PIK3C2B: variants seen among roughly 807,000 people sequenced by gnomAD.
The protein encoded by PIK3C2B is phosphatidylinositol-4-phosphate 3-kinase catalytic subunit type 2 beta, also known as phosphatidylinositol 4-phosphate 3-kinase C2 domain-containing subunit beta.
Under a neutral mutation model 184.3 loss-of-function variants are expected in PIK3C2B, and 83 were observed. The observed-to-expected ratio is 0.45, with a 90% CI of 0.38 to 0.54. The LOEUF is 0.54. Ranked by LOEUF, PIK3C2B falls within the 20% of genes least tolerant of loss-of-function variation. The pLI is 0.00. For missense variants in PIK3C2B, 1,736 were observed against 2,113.5 expected, an observed-to-expected ratio of 0.82 and a Z score of 3.50; for synonymous variants, 779 against 837.6, an observed-to-expected ratio of 0.93 and a Z score of 1.21.
intron 5 of PIK3C2B, among the ~76,000 whole-genome samples, chr1:204,461,476 G>A (rs930447066): frequency 6.6e-6 from 1 of 152,162 alleles, no homozygotes; most frequent in African/African-American, 2.4e-5. Flanking sequence ...TCAGCAGCTG[G>A]GTAACAGAAG....
Position 204,427,045 on chromosome 1 carries a change from G to A in PIK3C2B, c.4587+603C>T, listed in dbSNP as rs538246348. 7.9e-5 allele frequency among the ~76,000 whole-genome samples: 12 copies of A among 152,002 alleles called. No homozygotes were observed. The South Asian group carries it at 2.3e-3, about 29-fold the overall frequency. Reference sequence around the variant, plus strand: ...GTCCCAGCTACTCAGGCTGAGGCAGGAAAATCGCTTGAACCCAGGAGGCGG... The same window carrying A: ...GTCCCAGCTACTCAGGCTGAGGCAGAAAAATCGCTTGAACCCAGGAGGCGG... On this transcript the variant is annotated intron_variant, in intron 31 of 32. Coordinates refer to ENST00000684373, the MANE Select transcript of PIK3C2B (RefSeq NM_001377334.1).
intron 1 of PIK3C2B, among the ~76,000 whole-genome samples, chr1:204,484,548 C>T (rs1657437246): frequency 6.6e-6 from 1 of 152,110 alleles, no homozygotes. Context: ...TCCTGGCCAA[C>T]ATAGTGAAAG....
chr1:204,442,466 A>G (rs1675716810), intron 20 of PIK3C2B, 60 bp downstream of exon 20: 1 of 1,099,020 alleles, frequency 9.1e-7, no homozygotes, highest in African/African-American at 1.6e-5. Flanking sequence ...CTGGTTAGTG[A>G]AGACCTCACC....
intron 1 of PIK3C2B, among the ~76,000 whole-genome samples, chr1:204,488,902 T>C (rs1657816030): frequency 6.6e-6 from 1 of 152,132 alleles, no homozygotes; most frequent in Non-Finnish European, 1.5e-5. Context: ...AATGAATGAG[T>C]TCCTTTTTAA....
chr1:204,484,243 A>G (rs932485899), intron 1 of PIK3C2B, among the ~76,000 whole-genome samples: 5 of 152,170 alleles, frequency 3.3e-5, no homozygotes, highest in African/African-American at 1.2e-4. Context: ...CCTCACAACA[A>G]TCCTTAAATG....
At position 204,447,457 on chromosome 1, in the gene PIK3C2B, A is replaced by G. The variant is rs1249684511; in HGVS notation, c.2468T>C (p.Met823Thr). The G allele has an allele frequency of 1.2e-6, 2 of 1,613,710 alleles. No homozygotes were observed. Among genetic ancestry groups the G allele is most frequent in the African/African-American group, 1.3e-5 (1 of 74,854 alleles). Residue 823 changes from methionine (M) to threonine (T), a missense_variant, in exon 15 of 33, where the codon ATG (methionine) becomes ACG (threonine). Met to Thr is a moderately conservative substitution (Grantham distance 81). Around this residue, in one of 8 missense-constraint regions of PIK3C2B, gnomAD observed 609 missense variants for 699.2 expected, o/e 0.87. Coordinates refer to ENST00000684373, the MANE Select transcript of PIK3C2B (RefSeq NM_001377334.1). This position sits in a 1 kb window ranked among gnomAD's most constrained non-coding sequence, Gnocchi z 4.1. ...EEDQRKLKDI[M>T]QKESLYWLTD... ...TCACCAGTACAAGGACTCTTTCTGC[A>G]TGATGTCTTTAAGCTTGCGCTGGTC...
chr1:204,449,157 G>T, intron 14 of PIK3C2B, 28 bp downstream of exon 14: 2 of 1,464,838 alleles, frequency 1.4e-6, no homozygotes, highest in African/African-American at 1.4e-5. Flanking sequence ...TCTTGCTGGT[G>T]ACTGGGAGGG....
intron 2 of PIK3C2B, among the ~76,000 whole-genome samples, chr1:204,467,935 G>C (rs1234948746): frequency 6.6e-6 from 1 of 151,982 alleles, no homozygotes; most frequent in Non-Finnish European, 1.5e-5. Context: ...ACACAAATAG[G>C]CCTTCTGGTC....
intron 23 of PIK3C2B, among the ~76,000 whole-genome samples, chr1:204,436,122 C>G (rs538930820): frequency 6.6e-6 from 1 of 152,228 alleles, no homozygotes. Flanking sequence ...TATAAAGGGA[C>G]ACTCTGCCTC....
chr1:204,481,068 T>G (rs1181231966), intron 1 of PIK3C2B, among the ~76,000 whole-genome samples: 1 of 151,184 alleles, frequency 6.6e-6, no homozygotes, highest in Non-Finnish European at 1.5e-5. Flanking sequence ...CACATACTTT[T>G]CCCCCTGCAC....
At chr1:204,479,077 T>C (rs1315242201) in intron 1 of PIK3C2B, among the ~76,000 whole-genome samples, 2 of 152,214 alleles carry the variant, frequency 1.3e-5, no homozygotes, top group African/African-American at 4.8e-5. Context: ...AAAACTTTCC[T>C]TCCTCTAGAG....
In PIK3C2B at chr1:204,473,842, T is replaced by C. The variant is rs919335490; in HGVS notation, c.-84-3956A>G. On this transcript the variant is annotated intron_variant, in intron 1 of 32. Transcript: ENST00000684373. ...GCTCTTGCCCCATCCACTTCATCTC[T>C]AGGATAATGCTCCATGGATTTCCCT... 2.0e-5 allele frequency among the ~76,000 whole-genome samples: 3 copies of C among 152,316 alleles called. 1 individual carries two copies. Among genetic ancestry groups the C allele is most frequent in the Non-Finnish European group, 4.4e-5 (3 of 68,012 alleles).
intron 1 of PIK3C2B, among the ~76,000 whole-genome samples, chr1:204,484,713 G>A (rs1483213376): frequency 1.3e-5 from 2 of 151,506 alleles, no homozygotes; most frequent in Admixed American, 6.6e-5. Flanking sequence ...CAGCCTGGGC[G>A]ACAAAGCGAG....
intron 1 of PIK3C2B, among the ~76,000 whole-genome samples, chr1:204,482,109 CGGGG>C (rs55875447): frequency 0.021 from 2,710 of 131,028 alleles, 45 homozygotes; most frequent in African/African-American, 0.047. Context: ...CATGAAAAGA[CGGGG>C]GGGGGGGGGG....
intron 1 of PIK3C2B, among the ~76,000 whole-genome samples, chr1:204,482,401 G>A (rs1440865797): frequency 6.6e-6 from 1 of 152,224 alleles, no homozygotes; most frequent in African/African-American, 2.4e-5. Context: ...TCCTGCTCCA[G>A]GGTCAGTCAA....
At chr1:204,457,656 G>C (rs1451892072) in intron 9 of PIK3C2B, 72 bp downstream of exon 9, 2 of 1,446,498 alleles carry the variant, frequency 1.4e-6, no homozygotes, top group Non-Finnish European at 1.9e-6. Flanking sequence ...ACACACTCTA[G>C]CAACAGGCAA....
chr1:204,457,175 C>T, intron 9 of PIK3C2B, 105 bp from the exon 10 acceptor site: 1 of 918,760 alleles, frequency 1.1e-6, no homozygotes, highest in Non-Finnish European at 1.7e-6. Context: ...CCAGAATGGG[C>T]TGAAATGTGA....
intron 1 of PIK3C2B, among the ~76,000 whole-genome samples, chr1:204,479,456 C>T (rs1656961740): frequency 6.6e-6 from 1 of 152,196 alleles, no homozygotes; most frequent in Admixed American, 6.5e-5. Flanking sequence ...CTTCTTTACA[C>T]ACAACTTTCA....
intron 23 of PIK3C2B, chr1:204,435,268 G>A (rs1190675118): frequency 6.6e-6 from 1 of 152,136 alleles, no homozygotes; most frequent in Non-Finnish European, 1.5e-5. Context: ...AAGCAGGAGA[G>A]GAGTGGTGAG....
Sources: gnomAD v4.1 joint callset for allele counts (sites outside exome capture counted in the v4.1 genomes callset) on GRCh38, gnomAD v4.1.1 for gene constraint, gnomAD v4.1.1 regional missense constraint, Gnocchi (gnomAD v3.1) non-coding constraint, MANE v1.5 for transcripts, NCBI Gene and HGNC (gene_info 2026-07-23, HGNC 2026-07-21) for gene names.